The following JPH2 variants were observed in gnomAD, a reference collection of about 807,000 sequenced individuals.
The protein encoded by JPH2 is junctophilin-2.
JPH2 carries 38 observed loss-of-function variants against 55.9 expected under a neutral mutation model. That is an observed-to-expected ratio of 0.68 (90% CI 0.52 to 0.89). JPH2 has a LOEUF of 0.89. Among genes scored for constraint, JPH2 ranks in the 40% least tolerant of loss-of-function variants. The pLI is 0.00. For synonymous variants in JPH2, 480 were observed against 472.4 expected, an observed-to-expected ratio of 1.02 and a Z score of -0.21; for missense variants, 964 against 1,037.6, an observed-to-expected ratio of 0.93 and a Z score of 0.97.
At chr20:44,179,037 G>C (rs975053910) in intron 1 of JPH2, among the ~76,000 whole-genome samples, 1 of 152,180 alleles carries the variant, frequency 6.6e-6, no homozygotes, top group Admixed American at 6.5e-5. Context: ...ACTGGATCCA[G>C]AGCGCAGAAG....
rs1330148469 is a variant in JPH2 at position 44,106,812 on chromosome 20, T to G, written c.*6706A>C. On this transcript the variant is annotated 3_prime_UTR_variant, in exon 6 of 6. Coordinates refer to ENST00000372980, the MANE Select transcript of JPH2 (RefSeq NM_020433.5). ...GAAAGGCTTGCCCCCATGATTCAAT[T>G]ACCTCCCACTGGGTCCCTCCCACAA... Among the ~76,000 whole-genome samples the G allele has an allele frequency of 6.6e-6, 1 of 152,024 alleles. No individual in the cohort carries two copies. Among genetic ancestry groups the G allele is most frequent in the East Asian group, 1.9e-4 (1 of 5,176 alleles).
chr20:44,135,517 G>T (rs2072405480), intron 2 of JPH2, among the ~76,000 whole-genome samples: 1 of 152,158 alleles, frequency 6.6e-6, no homozygotes. Context: ...AGCTCACCCT[G>T]ACTGCCAGCT....
intron 2 of JPH2, among the ~76,000 whole-genome samples, chr20:44,134,865 A>T (rs4629219): frequency 3.3e-4 from 20 of 61,254 alleles, no homozygotes; most frequent in Non-Finnish European, 5.7e-4. Flanking sequence ...TATATATATA[A>T]ATATATATAT....
chr20:44,176,757 G>T (rs1209245618), intron 1 of JPH2: 2 of 566,428 alleles, frequency 3.5e-6, no homozygotes, highest in Non-Finnish European at 4.5e-6. Context: ...TTGTACCATT[G>T]CACTCCAGCC....
At chr20:44,139,534 C>T (rs776031653) in intron 2 of JPH2, among the ~76,000 whole-genome samples, 3 of 152,062 alleles carry the variant, frequency 2.0e-5, no homozygotes, top group Admixed American at 6.5e-5. Context: ...ATGAATAGAT[C>T]TCCAATATAT....
chr20:44,124,846 G>T (rs560462898), intron 2 of JPH2, among the ~76,000 whole-genome samples: 1 of 151,282 alleles, frequency 6.6e-6, no homozygotes, highest in African/African-American at 2.4e-5. Context: ...GGTGGCTCAC[G>T]CATGTAATCC....
At chr20:44,148,103 CG>C (rs1465401662) in intron 2 of JPH2, among the ~76,000 whole-genome samples, 3 of 152,082 alleles carry the variant, frequency 2.0e-5, no homozygotes, top group Admixed American at 6.5e-5. Context: ...GCAGAGGTTG[CG>C]GTGAGCCAAG....
At chr20:44,134,877 T>TATTATAA (rs1600843610) in intron 2 of JPH2, among the ~76,000 whole-genome samples, 7 of 10,022 alleles carry the variant, frequency 7.0e-4, no homozygotes, top group Admixed American at 2.0e-3. Flanking sequence ...TATATATATT[T>TATTATAA]ATATATATAT....
At chr20:44,175,326 T>C (rs1396941189) in intron 1 of JPH2, among the ~76,000 whole-genome samples, 1 of 152,224 alleles carries the variant, frequency 6.6e-6, no homozygotes, top group South Asian at 2.1e-4. Context: ...TGAATATAGG[T>C]GGGTCCACCT....
chr20:44,126,188 A>AAGGAAGGAAGGAAGGAAGGGAGGG (rs796524844), intron 2 of JPH2, among the ~76,000 whole-genome samples: 1 of 95,686 alleles, frequency 1.0e-5, no homozygotes, highest in African/African-American at 4.1e-5. Flanking sequence ...GGAAGGAAGG[A>AAGGAAGGAAGGAAGGAAGGGAGGG]AGGGAGGAAG....
At chr20:44,170,234 A>G (rs950250284) in intron 1 of JPH2, among the ~76,000 whole-genome samples, 7 of 152,104 alleles carry the variant, frequency 4.6e-5, no homozygotes, top group Non-Finnish European at 1.0e-4. Context: ...TTCATAGCCC[A>G]GTTTCAAACC....
chr20:44,119,426 T>A (rs1436730602), intron 2 of JPH2, among the ~76,000 whole-genome samples: 3 of 152,226 alleles, frequency 2.0e-5, no homozygotes, highest in Non-Finnish European at 2.9e-5. Flanking sequence ...ATGTAGCTTT[T>A]CTCATTGTAG....
At position 44,177,206 on chromosome 20, in the gene JPH2, A is replaced by T. The variant is rs566859855; in HGVS notation, c.379+9121T>A. 4.2e-5 allele frequency: 41 copies of T among 985,638 alleles called. No individual in the cohort carries two copies. The African/African-American group carries it at 6.6e-4, about 16-fold the overall frequency. The allele number at this position is 985,638 out of a possible 1,614,324, so 61.1% of individuals were successfully genotyped here. Reference sequence around the variant, plus strand: ...CGGGAAGGGATAGGTGAGAACAAGGATAACCCTCCAAGGCAGGAAGTCTAT... The same window carrying T: ...CGGGAAGGGATAGGTGAGAACAAGGTTAACCCTCCAAGGCAGGAAGTCTAT... On this transcript the variant is annotated intron_variant, in intron 1 of 5. Transcript: ENST00000372980.
chr20:44,130,898 A>G (rs901517922), intron 2 of JPH2, among the ~76,000 whole-genome samples: 2 of 152,198 alleles, frequency 1.3e-5, no homozygotes, highest in African/African-American at 2.4e-5. Flanking sequence ...CACAATAAAG[A>G]TTCCATTTTT....
chr20:44,137,514 G>A (rs1452726898), intron 2 of JPH2, among the ~76,000 whole-genome samples: 1 of 152,194 alleles, frequency 6.6e-6, no homozygotes, highest in Admixed American at 6.5e-5. Flanking sequence ...TCTAAAAACT[G>A]ATAAGGAGCT....
Position 44,108,866 on chromosome 20 carries a change from A to C in JPH2, c.*4652T>G, listed in dbSNP as rs2072123867. Among the ~76,000 whole-genome samples the C allele has an allele frequency of 6.6e-6, 1 of 152,048 alleles. No individual in the cohort carries two copies. Among genetic ancestry groups the C allele is most frequent in the Non-Finnish European group, 1.5e-5 (1 of 68,004 alleles). ...TTACAAATCACGACACTCTCTCCAG[A>C]CCTGTTTCCCCATATGAAAAACAGG... On this transcript the variant is annotated 3_prime_UTR_variant, in exon 6 of 6. Coordinates refer to ENST00000372980, the MANE Select transcript of JPH2 (RefSeq NM_020433.5).
At chr20:44,137,246 G>A (rs901374202) in intron 2 of JPH2, among the ~76,000 whole-genome samples, 7 of 97,766 alleles carry the variant, frequency 7.2e-5, no homozygotes, top group East Asian at 2.8e-4. Context: ...CCCCCGCCCC[G>A]CCCCACCCCA....
intron 2 of JPH2, among the ~76,000 whole-genome samples, chr20:44,154,877 C>T (rs1021717739): frequency 6.6e-6 from 1 of 152,186 alleles, no homozygotes; most frequent in African/African-American, 2.4e-5. Flanking sequence ...TCTCCATGGG[C>T]ACGCAGGACT....
intron 1 of JPH2, among the ~76,000 whole-genome samples, chr20:44,171,346 A>G (rs2072696637): frequency 6.6e-6 from 1 of 152,196 alleles, no homozygotes; most frequent in South Asian, 2.1e-4. Flanking sequence ...CATTACAGTC[A>G]TTAGATGTGA....
Sources: allele counts gnomAD v4.1 joint callset (sites outside exome capture counted in the v4.1 genomes callset), GRCh38; gene constraint gnomAD v4.1.1; transcripts MANE v1.5; gene names NCBI Gene and HGNC (gene_info 2026-07-23, HGNC 2026-07-21).